Variants in FBXO42 observed in about 807,000 individuals in gnomAD.
FBXO42 encodes F-box protein 42.
FBXO42 carries 12 observed loss-of-function variants against 71.7 expected under a neutral mutation model. The observed-to-expected ratio is 0.17, with a 90% CI of 0.11 to 0.27. FBXO42 has a LOEUF of 0.27. Among genes scored for constraint, FBXO42 ranks in the 10% least tolerant of loss-of-function variants. The pLI is 1.00. For synonymous variants in FBXO42, 325 were observed against 327.5 expected (o/e 0.99, Z 0.08); for missense variants, 707 against 911.9 (o/e 0.78, Z 2.89).
At chr1:16,260,891 TG>T (rs1187126952) in intron 4 of FBXO42, among the ~76,000 whole-genome samples, 1 of 151,838 alleles carries the variant, frequency 6.6e-6, no homozygotes, top group Non-Finnish European at 1.5e-5. Context: ...TGGGTAGAGA[TG>T]GGGGTCTCTC....
intron 7 of FBXO42, 52 bp from the exon 8 acceptor site, chr1:16,253,204 C>G (rs1213575875): frequency 6.5e-7 from 1 of 1,528,008 alleles, no homozygotes; most frequent in Non-Finnish European, 9.0e-7. Context: ...AGGTTTCTGA[C>G]TTTCTATGCT....
chr1:16,279,430 C>T (rs1358340264), intron 4 of FBXO42, among the ~76,000 whole-genome samples: 1 of 152,096 alleles, frequency 6.6e-6, no homozygotes, highest in Non-Finnish European at 1.5e-5. Flanking sequence ...GAGTGAGACC[C>T]CATCTCTTGA....
chr1:16,256,858 AG>A, intron 4 of FBXO42, 99 bp from the exon 5 acceptor site: 1 of 1,275,550 alleles, frequency 7.8e-7, no homozygotes, highest in Non-Finnish European at 1.1e-6. Context: ...GAGCAACAAA[AG>A]GGGAACTAAT....
intron 3 of FBXO42, among the ~76,000 whole-genome samples, chr1:16,298,264 C>T (rs1273852268): frequency 6.6e-6 from 1 of 152,046 alleles, no homozygotes; most frequent in African/African-American, 2.4e-5. Context: ...CTACAAATAA[C>T]AAAGGATCAA....
chr1:16,334,372 G>A (rs531212444), intron 1 of FBXO42, among the ~76,000 whole-genome samples: 42 of 146,614 alleles, frequency 2.9e-4, no homozygotes, highest in South Asian at 2.1e-3. Context: ...GGCGGAGCTT[G>A]CAGTGAGCGG....
rs2081559381 is a variant in FBXO42 at position 16,248,680 on chromosome 1, A to C, written c.*1990T>G. ...CCTTCTGGCCCAGCTTTCCCTTGTA[A>C]ATAAGGACCCCACATGATCGAACAG... On this transcript the variant is annotated 3_prime_UTR_variant, in exon 10 of 10. Transcript: ENST00000375592. 6.6e-6 allele frequency: 1 copy of C among 152,272 alleles called. No homozygotes were observed. The highest frequency in any genetic ancestry group is 2.4e-5 in the African/African-American group (1 of 41,470). The allele number at this position is 152,272 out of a possible 1,614,324, so 9.4% of individuals were successfully genotyped here.
At position 16,248,772 on chromosome 1, in the gene FBXO42, A is replaced by C. The variant is rs953654668; in HGVS notation, c.*1898T>G. 1 of 152,234 alleles carries C rather than the reference A, an allele frequency of 6.6e-6. No homozygotes were observed. The highest frequency in any genetic ancestry group is 1.5e-5 in the Non-Finnish European group (1 of 68,048). 9.4% of individuals were successfully genotyped at this position (152,234 alleles called of 1,614,324 possible). On this transcript the variant is annotated 3_prime_UTR_variant, in exon 10 of 10. Transcript: ENST00000375592. Reference sequence around the variant, plus strand: ...TCGCGAAAGGGAAGTGTGGAGCTCCAAGCAGTTGGATGCCACATAAGTAGA... The same window carrying C: ...TCGCGAAAGGGAAGTGTGGAGCTCCCAGCAGTTGGATGCCACATAAGTAGA...
At chr1:16,298,883 A>C (rs1032235033) in intron 3 of FBXO42, among the ~76,000 whole-genome samples, 2 of 152,348 alleles carry the variant, frequency 1.3e-5, no homozygotes, top group East Asian at 3.9e-4. Context: ...CCATGATTTC[A>C]TAACTAAAAG....
chr1:16,308,984 C>G (rs1199348203), intron 2 of FBXO42, among the ~76,000 whole-genome samples: 8 of 148,038 alleles, frequency 5.4e-5, no homozygotes, highest in Non-Finnish European at 1.0e-4. Context: ...CTCAAGTGAT[C>G]CGCCCACCTC....
Position 16,305,798 on chromosome 1 carries a change from C to T in FBXO42, c.367+5G>A. The T allele has an allele frequency of 6.3e-7, 1 of 1,597,094 alleles. No homozygotes were observed. Among genetic ancestry groups the T allele is most frequent in the Non-Finnish European group, 8.6e-7 (1 of 1,164,500 alleles). ...GTGGAATCTGCTTTCACAGTAAATA[C>T]TTACTGTGCGAGAAGCGCTGAGTGA... On this transcript the variant is annotated splice_donor_5th_base_variant and intron_variant, in intron 3 of 9. Transcript: ENST00000375592.
chr1:16,251,431 G>A lies in FBXO42; in HGVS notation c.1393C>T (p.Pro465Ser). ...SLDSPVQAISPSTPSAPEGYD... is the reference protein window; with the variant it reads ...SLDSPVQAISSSTPSAPEGYD... ...CCTTCAGGAGCAGATGGAGTACTTG[G>A]AGATATGGCCTGTACAGGACTGTCC... Residue 465 changes from proline to serine, a missense_variant, in exon 10 of 10, where the codon CCA becomes TCA. Coordinates refer to ENST00000375592, the MANE Select transcript of FBXO42 (RefSeq NM_018994.3). The surrounding 1 kb of genome is among the most constrained non-coding windows in gnomAD (Gnocchi z 4.5). 1 of 1,614,132 alleles carries A rather than the reference G, an allele frequency of 6.2e-7. No homozygotes were observed. Among genetic ancestry groups the A allele is most frequent in the South Asian group, 1.1e-5 (1 of 91,078 alleles).
intron 1 of FBXO42, among the ~76,000 whole-genome samples, chr1:16,341,398 G>A (rs1303320171): frequency 1.3e-5 from 2 of 151,722 alleles, no homozygotes; most frequent in African/African-American, 2.4e-5. Context: ...TCAGGAGTTC[G>A]AGACCAGCCT....
At chr1:16,303,285 C>T (rs572464295) in intron 3 of FBXO42, among the ~76,000 whole-genome samples, 59 of 152,304 alleles carry the variant, frequency 3.9e-4, no homozygotes, top group Middle Eastern at 3.4e-3. Flanking sequence ...TTGCATGTTT[C>T]AGACTTGCAG....
At chr1:16,309,673 A>T (rs975074376) in intron 2 of FBXO42, among the ~76,000 whole-genome samples, 1 of 152,022 alleles carries the variant, frequency 6.6e-6, no homozygotes. Flanking sequence ...AGGTGGGAGG[A>T]TAACTTGAGC....
At chr1:16,325,828 G>T (rs1322688800) in intron 1 of FBXO42, among the ~76,000 whole-genome samples, 1 of 152,044 alleles carries the variant, frequency 6.6e-6, no homozygotes, top group East Asian at 1.9e-4. Context: ...GTTTCACCAT[G>T]CTGGCCAGGG....
intron 3 of FBXO42, among the ~76,000 whole-genome samples, chr1:16,303,568 AT>A (rs35346839): frequency 0.052 from 7,311 of 141,152 alleles, 470 homozygotes; most frequent in African/African-American, 0.17. Flanking sequence ...CAAGAAGATA[AT>A]TTTTTTTTTT....
chr1:16,308,494 CTTTTTTT>C (rs71003268), intron 2 of FBXO42, among the ~76,000 whole-genome samples: 2,780 of 126,716 alleles, frequency 0.022, 77 homozygotes, highest in African/African-American at 0.077. Flanking sequence ...ACCCATCTCT[CTTTTTTT>C]TTTTTTTTTT....
intron 4 of FBXO42, among the ~76,000 whole-genome samples, chr1:16,270,953 A>T (rs1005950936): frequency 1.3e-5 from 2 of 151,948 alleles, no homozygotes; most frequent in Non-Finnish European, 2.9e-5. Flanking sequence ...GGAAAAAAAA[A>T]ACAAAACAAG....
chr1:16,293,157 A>G (rs1418299623), intron 4 of FBXO42: 1 of 152,152 alleles, frequency 6.6e-6, no homozygotes, highest in Non-Finnish European at 1.5e-5. Flanking sequence ...TATTATTCCA[A>G]TAGTTTTTGT....
Sources: gnomAD v4.1 joint callset for allele counts (sites outside exome capture counted in the v4.1 genomes callset) on GRCh38, gnomAD v4.1.1 for gene constraint, Gnocchi (gnomAD v3.1) non-coding constraint, MANE v1.5 for transcripts, NCBI Gene and HGNC (gene_info 2026-07-23, HGNC 2026-07-21) for gene names.